Variants in MYO9A observed in about 807,000 individuals in gnomAD.
MYO9A encodes unconventional myosin-IXa.
Under a neutral mutation model 293.3 loss-of-function variants are expected in MYO9A, and 103 were observed. That is an observed-to-expected ratio of 0.35 (90% CI 0.30 to 0.41). The LOEUF (loss-of-function observed/expected upper bound fraction) is 0.41. Ranked by LOEUF, MYO9A falls within the 10% of genes least tolerant of loss-of-function variation. The probability of loss-of-function intolerance (pLI) is 1.00; values close to 1 mark genes in which losing one functional copy is unlikely to be tolerated. For missense variants in MYO9A, 2,685 were observed against 3,033.0 expected, an observed-to-expected ratio of 0.89 and a Z score of 2.69; for synonymous variants, 1,001 against 1,035.7, an observed-to-expected ratio of 0.97 and a Z score of 0.64.
At chr15:72,075,652 C>T (rs983036614) in intron 1 of MYO9A, among the ~76,000 whole-genome samples, 20 of 151,866 alleles carry the variant, frequency 1.3e-4, no homozygotes, top group Admixed American at 2.6e-4. Context: ...AAGCCAGGCA[C>T]AGTGATTCAC....
chr15:72,088,591 C>A (rs2079814072), intron 1 of MYO9A, among the ~76,000 whole-genome samples: 1 of 152,186 alleles, frequency 6.6e-6, no homozygotes, highest in Admixed American at 6.5e-5. Context: ...TTGACTCACT[C>A]CTTTAGCAGC....
At chr15:71,855,951 C>T (rs1459192653) in intron 34 of MYO9A, among the ~76,000 whole-genome samples, 1 of 152,146 alleles carries the variant, frequency 6.6e-6, no homozygotes, top group Non-Finnish European at 1.5e-5. Context: ...TCCAGCCTTA[C>T]ATTCATACAT....
At chr15:71,910,729 A>C (rs2057821026) in intron 19 of MYO9A, among the ~76,000 whole-genome samples, 1 of 152,202 alleles carries the variant, frequency 6.6e-6, no homozygotes, top group African/African-American at 2.4e-5. Context: ...AATGTTGAAC[A>C]GGTTTTACAT....
Position 71,935,930 on chromosome 15 carries a change from A to ACACACT in MYO9A, c.2379-447_2379-446insAGTGTG, listed in dbSNP as rs1356073936. Among the ~76,000 whole-genome samples the ACACACT allele has an allele frequency of 2.7e-5, 4 of 150,030 alleles. No homozygotes were observed. In the South Asian group the frequency reaches 8.4e-4, roughly 32 times the overall value. On this transcript the variant is annotated intron_variant, in intron 16 of 41. Coordinates refer to ENST00000356056, the MANE Select transcript of MYO9A (RefSeq NM_006901.4). ...CACACACACACACACACACACACACACTCACTACTCACACACCCATTAAAC... is the reference window on the plus strand; with the variant it reads ...CACACACACACACACACACACACACACACACTCTCACTACTCACACACCCATTAAAC...
intron 32 of MYO9A, among the ~76,000 whole-genome samples, chr15:71,865,522 CATT>C (rs1198033115): frequency 6.6e-6 from 1 of 152,050 alleles, no homozygotes; most frequent in Non-Finnish European, 1.5e-5. Context: ...ACCTTGAAAA[CATT>C]ATGCTAAGTG....
chr15:72,107,267 G>A (rs553010173), intron 1 of MYO9A, among the ~76,000 whole-genome samples: 8 of 152,190 alleles, frequency 5.3e-5, no homozygotes, highest in Admixed American at 1.3e-4. Context: ...ATACAATCTC[G>A]GCAGAGTGTA....
rs1365285530 is a variant in MYO9A at position 71,960,019 on chromosome 15, G to C, written c.2064C>G (p.Ile688Met). ...CAGGATCAATTCCAATCATCCCAGA[G>C]ATAAATGCATTCTTGCTGCTTCTCA... Reference protein sequence around the residue: ...ALLRSSKNAFISGMIGIDPVA... With the variant: ...ALLRSSKNAFMSGMIGIDPVA... Residue 688 changes from isoleucine (I) to methionine (M), a missense_variant, in exon 14 of 42, where the codon ATC becomes ATG. Transcript: ENST00000356056. 2 of 1,614,014 alleles carry C rather than the reference G, an allele frequency of 1.2e-6. No individual in the cohort carries two copies. Among genetic ancestry groups the C allele is most frequent in the South Asian group, 1.1e-5 (1 of 91,070 alleles).
chr15:71,897,480 C>G lies in MYO9A; in HGVS notation c.5023G>C (p.Asp1675His), dbSNP rs2057362648. Residue 1675 changes from aspartate (D) to histidine (H), a missense_variant, in exon 25 of 42, where the codon GAC (aspartate) becomes CAC (histidine). Coordinates refer to ENST00000356056, the MANE Select transcript of MYO9A (RefSeq NM_006901.4). ...NARPIFFTPK[D>H]NMSIPLVSKE... ...ACTTACAGGGGAATACTCATATTGT[C>G]CTTTGGAGTGAAGAAAATGGGCCTA... 3.7e-6 allele frequency: 6 copies of G among 1,612,466 alleles called. No individual in the cohort carries two copies. The Admixed American group carries it at 8.3e-5, about 22-fold the overall frequency.
At position 71,848,968 on chromosome 15, in the gene MYO9A, A is replaced by G. The variant is rs2055510203; in HGVS notation, c.6714T>C (p.Thr2238=). 6.3e-7 allele frequency: 1 copy of G among 1,587,384 alleles called. No individual in the cohort carries two copies. The highest frequency in any genetic ancestry group is 8.5e-7 in the Non-Finnish European group (1 of 1,172,564). Residue 2238 remains threonine, a splice_region_variant and synonymous_variant, in exon 39 of 42, where the codon ACT becomes ACC. Transcript: ENST00000356056. ...QSVQDISKTT[T]CVELIVVEQM... ...GTTCCACAACAATCAGTTCCACACA[A>G]CTGAAACAGAAGGAAAGAGAAAAAA...
intron 2 of MYO9A, chr15:72,041,789 AG>A (rs1239941915): frequency 6.6e-6 from 1 of 152,646 alleles, no homozygotes; most frequent in Non-Finnish European, 1.5e-5. Context: ...GTTGCCAATA[AG>A]GGAATATTAT....
chr15:72,026,524 C>T (rs2149322796), intron 4 of MYO9A, among the ~76,000 whole-genome samples: 1 of 151,096 alleles, frequency 6.6e-6, no homozygotes, highest in African/African-American at 2.4e-5. Context: ...ACCTAACCAT[C>T]CACCTTAAGA....
chr15:71,910,102 GTA>G (rs771648187), intron 19 of MYO9A, among the ~76,000 whole-genome samples: 2 of 133,928 alleles, frequency 1.5e-5, no homozygotes, highest in African/African-American at 2.8e-5. Context: ...ATATATATAC[GTA>G]TATATATACG....
At chr15:71,923,300 C>A (rs1161060992) in intron 18 of MYO9A, among the ~76,000 whole-genome samples, 1 of 152,152 alleles carries the variant, frequency 6.6e-6, no homozygotes. Context: ...ATTTATGCAT[C>A]CATGTTCAAT....
intron 16 of MYO9A, among the ~76,000 whole-genome samples, chr15:71,936,184 G>T (rs1204558008): frequency 1.3e-5 from 2 of 152,026 alleles, no homozygotes; most frequent in Non-Finnish European, 2.9e-5. Context: ...CAAACATAGA[G>T]TACATTATGT....
chr15:72,052,022 C>T (rs1311449487), intron 1 of MYO9A, among the ~76,000 whole-genome samples: 1 of 152,184 alleles, frequency 6.6e-6, no homozygotes, highest in East Asian at 1.9e-4. Flanking sequence ...AATCAGTACA[C>T]ACACCCTCCC....
intron 33 of MYO9A, among the ~76,000 whole-genome samples, chr15:71,861,463 A>G (rs1356439070): frequency 6.8e-6 from 1 of 147,878 alleles, no homozygotes; most frequent in Non-Finnish European, 1.5e-5. Context: ...TATATGTAAA[A>G]TAATATATAT....
chr15:71,865,324 G>A (rs1471266309), intron 32 of MYO9A, among the ~76,000 whole-genome samples: 2 of 152,084 alleles, frequency 1.3e-5, no homozygotes, highest in African/African-American at 4.8e-5. Flanking sequence ...TGAAAAAAGT[G>A]GCTAGAAACA....
chr15:71,850,371 T>C (rs1025632526), intron 37 of MYO9A, among the ~76,000 whole-genome samples: 2 of 152,186 alleles, frequency 1.3e-5, no homozygotes, highest in African/African-American at 4.8e-5. Context: ...GTATTTTCAC[T>C]TGTTCTTTCC....
chr15:72,110,311 C>G (rs1160837389), intron 1 of MYO9A, among the ~76,000 whole-genome samples: 1 of 150,716 alleles, frequency 6.6e-6, no homozygotes, highest in Non-Finnish European at 1.5e-5. Context: ...TGGCAGGCAC[C>G]TGTAATCCCA....
Sources: allele counts gnomAD v4.1 joint callset (sites outside exome capture counted in the v4.1 genomes callset), GRCh38; gene constraint gnomAD v4.1.1; transcripts MANE v1.5; gene names NCBI Gene and HGNC (gene_info 2026-07-23, HGNC 2026-07-21).